Variants in WWOX observed in about 807,000 individuals in gnomAD.
The protein encoded by WWOX is WW domain containing oxidoreductase.
Under a neutral mutation model 46.2 loss-of-function variants are expected in WWOX, and 69 were observed. The ratio of observed to expected loss-of-function variants is 1.49; its 90% CI spans 1.23 to 1.82. WWOX has a LOEUF of 1.82. Among genes scored for constraint, WWOX ranks in the 40% most tolerant of loss-of-function variants. The pLI is 0.00. For missense variants in WWOX, 919 were observed against 542.6 expected, an observed-to-expected ratio of 1.69 and a Z score of -6.89; for synonymous variants, 359 against 202.6, an observed-to-expected ratio of 1.77 and a Z score of -6.56.
In WWOX at chr16:78,425,045, G is replaced by C. The variant is rs1246327184; in HGVS notation, c.781G>C (p.Glu261Gln). The C allele has an allele frequency of 6.2e-7, 1 of 1,613,794 alleles. No homozygotes were observed. Among genetic ancestry groups the C allele is most frequent in the Admixed American group, 1.7e-5 (1 of 60,028 alleles). ...TGCCCGTGTCATTGTGGTCTCCTCA[G>C]AGTCCCATCGGTGGGTTTGAATTGC... ...APARVIVVSS[E>Q]SHRFTDINDS... The change falls in exon 7 of 9, where the codon GAG becomes CAG. Residue 261 changes from glutamate (E) to glutamine (Q), a missense_variant. Glu to Gln is a conservative substitution (Grantham distance 29). Transcript: ENST00000566780.
intron 8 of WWOX, among the ~76,000 whole-genome samples, chr16:78,509,575 G>A (rs1017759105): frequency 6.6e-6 from 1 of 152,134 alleles, no homozygotes; most frequent in Non-Finnish European, 1.5e-5. Flanking sequence ...ATTTGCAGAC[G>A]CTCTGCCAGT....
At chr16:78,724,749 C>T (rs1049222204) in intron 8 of WWOX, among the ~76,000 whole-genome samples, 2 of 152,212 alleles carry the variant, frequency 1.3e-5, no homozygotes, top group East Asian at 3.9e-4. Flanking sequence ...ATCTCCTGAA[C>T]CCTGAAGGAG....
chr16:79,137,347 A>T (rs78476680), intron 8 of WWOX, among the ~76,000 whole-genome samples: 9,266 of 152,312 alleles, frequency 0.061, 409 homozygotes, highest in Non-Finnish European at 0.09. Context: ...AAGAAAATTC[A>T]TGTGTTAGCC....
At chr16:78,474,370 G>C (rs113680023) in intron 8 of WWOX, among the ~76,000 whole-genome samples, 2 of 152,136 alleles carry the variant, frequency 1.3e-5, no homozygotes, top group Non-Finnish European at 2.9e-5. Context: ...ATCTTACCCC[G>C]ATGCACTCTC....
chr16:78,420,260 C>G (rs1437479424), intron 6 of WWOX, among the ~76,000 whole-genome samples: 4 of 152,050 alleles, frequency 2.6e-5, no homozygotes, highest in African/African-American at 9.7e-5. Context: ...TAATCCCACT[C>G]CTAGATGTAT....
intron 8 of WWOX, among the ~76,000 whole-genome samples, chr16:78,760,305 G>A (rs571392794): frequency 6.6e-6 from 1 of 152,060 alleles, no homozygotes; most frequent in African/African-American, 2.4e-5. Context: ...CTCCCACCAG[G>A]GTCCCTCCCA....
At chr16:78,926,431 C>A (rs545397735) in intron 8 of WWOX, among the ~76,000 whole-genome samples, 1 of 151,738 alleles carries the variant, frequency 6.6e-6, no homozygotes, top group South Asian at 2.1e-4. Flanking sequence ...TTGAATGTAA[C>A]TGTCTATAAT....
chr16:78,161,184 G>A (rs375542943), intron 4 of WWOX, among the ~76,000 whole-genome samples: 5 of 151,764 alleles, frequency 3.3e-5, no homozygotes, highest in African/African-American at 9.7e-5. Flanking sequence ...AAAACATAAT[G>A]TACATTCTTT....
At chr16:78,535,943 A>G (rs2043749513) in intron 8 of WWOX, among the ~76,000 whole-genome samples, 1 of 152,204 alleles carries the variant, frequency 6.6e-6, no homozygotes, top group South Asian at 2.1e-4. Context: ...TTCTGCGCAC[A>G]AAATTCGTTG....
At chr16:78,104,910 G>A (rs60424627) in intron 1 of WWOX, among the ~76,000 whole-genome samples, 12,487 of 152,218 alleles carry the variant, frequency 0.082, 1,087 homozygotes, top group African/African-American at 0.22. Flanking sequence ...CTGAGGCATG[G>A]GATTAAATGA....
intron 8 of WWOX, among the ~76,000 whole-genome samples, chr16:78,927,873 A>G (rs570898323): frequency 1.0e-3 from 155 of 152,254 alleles, no homozygotes; most frequent in African/African-American, 3.6e-3. Flanking sequence ...CTGAAGTTCA[A>G]TGAATTATTC....
intron 8 of WWOX, among the ~76,000 whole-genome samples, chr16:79,028,625 G>T (rs1438101718): frequency 6.6e-6 from 1 of 151,242 alleles, no homozygotes; most frequent in African/African-American, 2.4e-5. Context: ...TCCTGAATTA[G>T]GGTATGTTTT....
intron 8 of WWOX, among the ~76,000 whole-genome samples, chr16:78,729,608 C>A (rs79081209): frequency 1.3e-5 from 2 of 152,046 alleles, no homozygotes; most frequent in African/African-American, 2.4e-5. Context: ...AAGATCTCTT[C>A]CAGGGCCTCT....
intron 8 of WWOX, among the ~76,000 whole-genome samples, chr16:78,433,121 G>A (rs999745425): frequency 1.3e-5 from 2 of 152,102 alleles, no homozygotes; most frequent in African/African-American, 4.8e-5. Flanking sequence ...TGTGTCAGTA[G>A]GTAAACAACA....
intron 8 of WWOX, among the ~76,000 whole-genome samples, chr16:78,937,627 T>C (rs1167871352): frequency 6.7e-6 from 1 of 149,842 alleles, no homozygotes; most frequent in Non-Finnish European, 1.5e-5. Flanking sequence ...ATTTATTTAT[T>C]TATTTATTTA....
intron 5 of WWOX, among the ~76,000 whole-genome samples, chr16:78,222,657 G>A (rs895144865): frequency 6.6e-6 from 1 of 152,134 alleles, no homozygotes; most frequent in Non-Finnish European, 1.5e-5. Flanking sequence ...TAGCCCTGGC[G>A]AGGCTGGCCC....
At chr16:78,844,644 C>G (rs575184921) in intron 8 of WWOX, among the ~76,000 whole-genome samples, 2 of 151,978 alleles carry the variant, frequency 1.3e-5, no homozygotes, top group Non-Finnish European at 2.9e-5. Context: ...AAATAATTTC[C>G]GTGCAATTAA....
At chr16:78,363,389 T>C (rs1380876658) in intron 5 of WWOX, among the ~76,000 whole-genome samples, 2 of 151,820 alleles carry the variant, frequency 1.3e-5, no homozygotes, top group African/African-American at 4.8e-5. Flanking sequence ...TTTTCCTTTC[T>C]CAGACCCCAA....
At chr16:79,081,543 C>G (rs139990038) in intron 8 of WWOX, among the ~76,000 whole-genome samples, 60 of 152,308 alleles carry the variant, frequency 3.9e-4, no homozygotes, top group African/African-American at 1.4e-3. Flanking sequence ...ATCAAACATT[C>G]TCAACTCTGC....
Sources: allele counts gnomAD v4.1 joint callset (sites outside exome capture counted in the v4.1 genomes callset), GRCh38; gene constraint gnomAD v4.1.1; transcripts MANE v1.5; gene names NCBI Gene and HGNC (gene_info 2026-07-23, HGNC 2026-07-21).